DPH6: variants seen among roughly 807,000 people sequenced by gnomAD.
DPH6 encodes the protein diphthine--ammonia ligase.
A neutral mutation model predicts 38.2 loss-of-function variants in DPH6; 33 were observed. The observed-to-expected ratio is 0.86, with a 90% CI of 0.65 to 1.15. The LOEUF (loss-of-function observed/expected upper bound fraction) is 1.15. DPH6 is among the 50% of genes most tolerant of loss of function. DPH6 has a pLI of 0.00. For synonymous variants in DPH6, 108 were observed against 103.0 expected (o/e 1.05, Z -0.30); for missense variants, 325 against 320.0 (o/e 1.02, Z -0.12).
At chr15:35,172,736 A>C in the DPH6 span, among the ~76,000 whole-genome samples, 9 of 152,200 alleles carry the variant, frequency 5.9e-5, no homozygotes, top group Non-Finnish European at 8.8e-5. Context: ...GCTGGAGCAC[A>C]GTGGCTATTC....
intron 3 of DPH6, among the ~76,000 whole-genome samples, chr15:35,357,751 C>T (rs1205031895): frequency 1.3e-5 from 2 of 152,218 alleles, no homozygotes; most frequent in African/African-American, 2.4e-5. Context: ...GAGAAATCTG[C>T]TGTTAATCTG....
At chr15:35,386,500 G>C (rs1278315463) in intron 6 of DPH6, among the ~76,000 whole-genome samples, 1 of 152,148 alleles carries the variant, frequency 6.6e-6, no homozygotes, top group Admixed American at 6.5e-5. Flanking sequence ...ATCCTCTCCA[G>C]CACCTGTTGT....
chr15:35,384,373 A>C (rs2052915131), intron 6 of DPH6, among the ~76,000 whole-genome samples: 1 of 152,222 alleles, frequency 6.6e-6, no homozygotes, highest in African/African-American at 2.4e-5. Context: ...TCTTTCACTA[A>C]GTTATTCTTA....
intron 3 of DPH6, among the ~76,000 whole-genome samples, chr15:35,514,742 C>T (rs1159131591): frequency 6.6e-6 from 1 of 151,974 alleles, no homozygotes; most frequent in South Asian, 2.1e-4. Context: ...AAATTCTAAC[C>T]CTGAACTGAT....
intron 3 of DPH6, among the ~76,000 whole-genome samples, chr15:35,270,091 GC>G (rs2051813164): frequency 6.6e-6 from 1 of 152,004 alleles, no homozygotes; most frequent in Non-Finnish European, 1.5e-5. Flanking sequence ...GAGCCACCGC[GC>G]CCGGCCTTGT....
At chr15:35,249,367 A>G (rs556546741) in intron 3 of DPH6, among the ~76,000 whole-genome samples, 19 of 152,312 alleles carry the variant, frequency 1.2e-4, no homozygotes, top group African/African-American at 3.8e-4. Flanking sequence ...TTAAATAAAA[A>G]CAAGTTTGGG....
intron 3 of DPH6, among the ~76,000 whole-genome samples, chr15:35,352,362 GTT>G (rs2052521524): frequency 6.6e-6 from 1 of 152,114 alleles, no homozygotes; most frequent in Admixed American, 6.5e-5. Flanking sequence ...CATGTGCCAT[GTT>G]GGTGTGCTGC....
At chr15:35,398,520 T>C (rs114126553) in intron 6 of DPH6, among the ~76,000 whole-genome samples, 2 of 132,888 alleles carry the variant, frequency 1.5e-5, no homozygotes, top group African/African-American at 3.3e-5. Context: ...GCCTGGAGGA[T>C]GGTGCGCTGA....
intron 3 of DPH6, chr15:35,298,505 C>T (rs2052030582): frequency 1.3e-6 from 1 of 775,462 alleles, no homozygotes; most frequent in African/African-American, 1.7e-5. Flanking sequence ...ATCCACCTTT[C>T]CCGCACCAAC....
intron 3 of DPH6, among the ~76,000 whole-genome samples, chr15:35,490,348 C>G (rs1320126768): frequency 6.6e-6 from 1 of 152,076 alleles, no homozygotes; most frequent in Non-Finnish European, 1.5e-5. Flanking sequence ...AAACATAATA[C>G]CTTCAGTCTA....
intron 7 of DPH6, among the ~76,000 whole-genome samples, chr15:35,379,006 G>A (rs1246361927): frequency 6.6e-6 from 1 of 152,114 alleles, no homozygotes; most frequent in Non-Finnish European, 1.5e-5. Context: ...AACCCCCGAG[G>A]TATTGGTACA....
At chr15:35,415,358 T>A (rs1338094440) in intron 5 of DPH6, among the ~76,000 whole-genome samples, 1 of 151,958 alleles carries the variant, frequency 6.6e-6, no homozygotes, top group Non-Finnish European at 1.5e-5. Context: ...GCATTCTATG[T>A]ACGAGTCTGG....
At chr15:35,249,525 A>T (rs1324328024) in intron 3 of DPH6, among the ~76,000 whole-genome samples, 2 of 152,156 alleles carry the variant, frequency 1.3e-5, no homozygotes, top group Non-Finnish European at 2.9e-5. Flanking sequence ...TTCTATGTCG[A>T]ATTCTTTATG....
chr15:35,298,235 T>C, intron 3 of DPH6: 2 of 517,228 alleles, frequency 3.9e-6, no homozygotes, highest in Non-Finnish European at 7.6e-6. Context: ...ACTTGTGCTC[T>C]AGTTCTTAAA....
At chr15:35,531,727 C>A (rs2141536843) in intron 3 of DPH6, among the ~76,000 whole-genome samples, 1 of 152,286 alleles carries the variant, frequency 6.6e-6, no homozygotes. Context: ...CCTCGGCCTC[C>A]TAAAGTGCTG....
At chr15:35,481,272 G>A (rs1474557193) in intron 3 of DPH6, among the ~76,000 whole-genome samples, 1 of 152,122 alleles carries the variant, frequency 6.6e-6, no homozygotes, top group Admixed American at 6.6e-5. Flanking sequence ...AAAGAACAAA[G>A]CAACACATTG....
chr15:35,470,089 T>G (rs545938432), intron 3 of DPH6, among the ~76,000 whole-genome samples: 1 of 152,148 alleles, frequency 6.6e-6, no homozygotes, highest in East Asian at 1.9e-4. Context: ...TCCCCGCTAC[T>G]CAGGAGGCTG....
At chr15:35,521,061 A>G in intron 3 of DPH6, 20 of 985,262 alleles carry the variant, frequency 2.0e-5, no homozygotes, top group Non-Finnish European at 2.3e-5. Context: ...TCATTTTATT[A>G]CAAAAGCTCC....
At chr15:35,358,187 G>C (rs1426830687) in intron 3 of DPH6, among the ~76,000 whole-genome samples, 1 of 152,002 alleles carries the variant, frequency 6.6e-6, no homozygotes, top group African/African-American at 2.4e-5. Flanking sequence ...ACTTTCCAGA[G>C]TATTTCACAT....
Sources: gnomAD v4.1 joint callset for allele counts (sites outside exome capture counted in the v4.1 genomes callset) on GRCh38, gnomAD v4.1.1 for gene constraint, MANE v1.5 for transcripts, NCBI Gene and HGNC (gene_info 2026-07-23, HGNC 2026-07-21) for gene names.